The following ARPC1A variants were observed in gnomAD, a reference collection of about 807,000 sequenced individuals.
ARPC1A encodes the protein actin related protein 2/3 complex subunit 1A, also known as actin-related protein 2/3 complex subunit 1A.
A neutral mutation model predicts 46.9 loss-of-function variants in ARPC1A; 8 were observed. The observed-to-expected ratio is 0.17, with a 90% CI of 0.10 to 0.31. ARPC1A has a LOEUF of 0.31. ARPC1A is among the 10% of genes least tolerant of loss of function. The probability of loss-of-function intolerance (pLI) is 1.00; values close to 1 mark genes in which losing one functional copy is unlikely to be tolerated. For missense variants in ARPC1A, 286 were observed against 483.6 expected, an observed-to-expected ratio of 0.59 and a Z score of 3.83; for synonymous variants, 152 against 169.0, an observed-to-expected ratio of 0.90 and a Z score of 0.78.
chr7:99,344,920 C>CT (rs1172071932), intron 4 of ARPC1A, among the ~76,000 whole-genome samples: 871 of 20,092 alleles, frequency 0.043, 292 homozygotes, highest in Non-Finnish European at 0.055. Flanking sequence ...TAACAATGTT[C>CT]TTTTTTTTTT....
At chr7:99,340,757 T>C (rs1467742224) in intron 3 of ARPC1A, among the ~76,000 whole-genome samples, 2 of 152,236 alleles carry the variant, frequency 1.3e-5, no homozygotes, top group Non-Finnish European at 2.9e-5. Flanking sequence ...CATGTTTTGC[T>C]ATTCTACATC....
chr7:99,354,251 G>C (rs952051441), intron 6 of ARPC1A, 130 bp downstream of exon 6: 166 of 1,054,960 alleles, frequency 1.6e-4, no homozygotes, highest in Admixed American at 5.2e-4. Flanking sequence ...GGCCAGGCGT[G>C]GTGGCTCACG....
At chr7:99,344,272 T>C (rs1325756625) in intron 3 of ARPC1A, 21 bp from the exon 4 acceptor site, 1 of 1,612,292 alleles carries the variant, frequency 6.2e-7, no homozygotes, top group East Asian at 2.2e-5. Context: ...GCAAAGCAGA[T>C]GACCCATGTC....
intron 3 of ARPC1A, among the ~76,000 whole-genome samples, 185 bp from the exon 4 acceptor site, chr7:99,344,108 T>A (rs956284494): frequency 6.6e-6 from 1 of 152,198 alleles, no homozygotes; most frequent in African/African-American, 2.4e-5. Flanking sequence ...CCCAGACGCT[T>A]TGCAGAGAAG....
In ARPC1A at chr7:99,355,110, G is replaced by A. The variant is rs564396889; in HGVS notation, c.713+989G>A. On this transcript the variant is annotated intron_variant, in intron 6 of 9. Coordinates refer to ENST00000262942, the MANE Select transcript of ARPC1A (RefSeq NM_006409.4). ...GCCTGGGCAACAAATGCAGAACTCC[G>A]TCTCAAAAAAAAAAAAAAAAAATCA... Among the ~76,000 whole-genome samples the A allele has an allele frequency of 4.5e-3, 600 of 132,536 alleles. 5 individuals are homozygous for A. The highest frequency in any genetic ancestry group is 0.016 in the African/African-American group (559 of 34,136). The allele number at this position is 132,536 out of a possible 152,430, so 86.9% of individuals were successfully genotyped here.
intron 5 of ARPC1A, among the ~76,000 whole-genome samples, chr7:99,349,672 A>C (rs1316013827): frequency 6.6e-6 from 1 of 152,096 alleles, no homozygotes; most frequent in Non-Finnish European, 1.5e-5. Flanking sequence ...CCCCGTCTCT[A>C]CTAAAAAAAT....
At chr7:99,336,453 T>C (rs1793252787) in intron 2 of ARPC1A, among the ~76,000 whole-genome samples, 2 of 150,164 alleles carry the variant, frequency 1.3e-5, no homozygotes, top group South Asian at 4.2e-4. Context: ...TATTAATGAC[T>C]GGCCTAAAGT....
rs1443050021 is a variant in ARPC1A, at chr7:99,339,672, G to C, written c.169+1387G>C. Among the ~76,000 whole-genome samples the C allele has an allele frequency of 2.0e-5, 3 of 152,168 alleles. No individual in the cohort carries two copies. The East Asian group carries it at 5.8e-4, about 29-fold the overall frequency. On this transcript the variant is annotated intron_variant, in intron 3 of 9. Coordinates refer to ENST00000262942, the MANE Select transcript of ARPC1A (RefSeq NM_006409.4). ...TGAGATCCATCTATGTTGCTGTCTA[G>C]ATCAAGTTTATTCCTTTTAACCACT...
At chr7:99,341,871 TCAGAC>T in intron 3 of ARPC1A, among the ~76,000 whole-genome samples, 1 of 152,022 alleles carries the variant, frequency 6.6e-6, no homozygotes, top group East Asian at 1.9e-4. Flanking sequence ...AGATCAAGGA[TCAGAC>T]ATATTTTCTC....
intron 6 of ARPC1A, among the ~76,000 whole-genome samples, chr7:99,357,985 G>A (rs1223354378): frequency 2.0e-5 from 3 of 152,222 alleles, no homozygotes; most frequent in Non-Finnish European, 4.4e-5. Context: ...AGCTCTAGGA[G>A]CTAAGAGCAG....
rs565535347 is a variant in ARPC1A, at chr7:99,362,498, A to ATTT, written c.984-1031_984-1029dup. Reference sequence around the variant, plus strand: ...AGGCGCCCGCCACCATGCCTGGCTAATTTTTTTTTTTTTTTTGTATCTTTT... The same window carrying ATTT: ...AGGCGCCCGCCACCATGCCTGGCTAATTTTTTTTTTTTTTTTTTTGTATCTTTT... On this transcript the variant is annotated intron_variant, in intron 8 of 9. Transcript: ENST00000262942. 1.6e-3 allele frequency among the ~76,000 whole-genome samples: 214 copies of ATTT among 132,172 alleles called. 4 individuals are homozygous for ATTT. The highest frequency in any genetic ancestry group is 0.016 in the East Asian group (70 of 4,328). The allele number at this position is 132,172 out of a possible 152,430, so 86.7% of individuals were successfully genotyped here.
chr7:99,339,258 C>T (rs966215943), intron 3 of ARPC1A, among the ~76,000 whole-genome samples: 1 of 152,166 alleles, frequency 6.6e-6, no homozygotes, highest in Middle Eastern at 3.2e-3. Flanking sequence ...TATTCATAAA[C>T]AAGCTTAGGC....
In ARPC1A at chr7:99,344,277, C is replaced by T. The variant is rs766449635; in HGVS notation, c.170-16C>T. On this transcript the variant is annotated splice_polypyrimidine_tract_variant and intron_variant, in intron 3 of 9. Coordinates refer to ENST00000262942, the MANE Select transcript of ARPC1A (RefSeq NM_006409.4). The stretch of plus-strand genomic sequence containing the variant: ...CATTGACTGGGCAAAGCAGATGACC[C>T]ATGTCTCACTTGCAGGTATTGACTG... 11 of 1,613,198 alleles carry T rather than the reference C, an allele frequency of 6.8e-6. No homozygotes were observed. In the South Asian group the frequency reaches 1.1e-4, roughly 16 times the overall value.
At chr7:99,335,051 A>G (rs1793218407) in intron 2 of ARPC1A, among the ~76,000 whole-genome samples, 1 of 152,108 alleles carries the variant, frequency 6.6e-6, no homozygotes, top group East Asian at 1.9e-4. Context: ...TTCACCTGTT[A>G]GCCAGGATGG....
chr7:99,360,326 A>AT (rs1183973949), intron 8 of ARPC1A: 5,722 of 140,928 alleles, frequency 0.041, 121 homozygotes, highest in South Asian at 0.054. Context: ...AGAAAGTTTA[A>AT]TTTTTTTTTT....
At chr7:99,363,929 A>C (rs1476209885) in intron 9 of ARPC1A, among the ~76,000 whole-genome samples, 1 of 152,202 alleles carries the variant, frequency 6.6e-6, no homozygotes, top group Non-Finnish European at 1.5e-5. Flanking sequence ...GTCCTAATGT[A>C]AGACATTAAA....
intron 7 of ARPC1A, among the ~76,000 whole-genome samples, chr7:99,359,059 C>CCA (rs1313234044): frequency 1.3e-5 from 2 of 149,944 alleles, no homozygotes; most frequent in African/African-American, 4.9e-5. Flanking sequence ...TCTCAATCTC[C>CCA]TGACCTCGTG....
chr7:99,347,404 A>G (rs374028945), intron 4 of ARPC1A, among the ~76,000 whole-genome samples: 5 of 152,300 alleles, frequency 3.3e-5, no homozygotes, highest in Admixed American at 1.3e-4. Flanking sequence ...CAGACAGGAT[A>G]CTAAGAAAGT....
chr7:99,346,782 A>G (rs1793459357), intron 4 of ARPC1A, among the ~76,000 whole-genome samples: 1 of 152,192 alleles, frequency 6.6e-6, no homozygotes, highest in Admixed American at 6.6e-5. Flanking sequence ...GTTCGAAACC[A>G]TCCTGGCCAA....
Sources: gnomAD v4.1 joint callset for allele counts (sites outside exome capture counted in the v4.1 genomes callset) on GRCh38, gnomAD v4.1.1 for gene constraint, MANE v1.5 for transcripts, NCBI Gene and HGNC (gene_info 2026-07-23, HGNC 2026-07-21) for gene names.